The following SPMIP3 variants were observed in gnomAD, a reference collection of about 807,000 sequenced individuals.
SPMIP3 encodes the protein sperm microtubule inner protein 3, also known as protein SPMIP3.
At chr1:244,379,219 C>A in the SPMIP3 span, among the ~76,000 whole-genome samples, 2 of 150,896 alleles carry the variant, frequency 1.3e-5, no homozygotes, top group Non-Finnish European at 3.0e-5. Context: ...TGAGCCACTG[C>A]GCCCGGCCTT....
chr1:244,374,569 A>ACGGATTCCCACATTTC, the SPMIP3 span, among the ~76,000 whole-genome samples: 3 of 142,534 alleles, frequency 2.1e-5, no homozygotes, highest in South Asian at 2.3e-4. Flanking sequence ...CCCTCCGTTT[A>ACGGATTCCCACATTTC]CGGATTCCCA....
At chr1:244,377,412 C>T in the SPMIP3 span, among the ~76,000 whole-genome samples, 7 of 152,232 alleles carry the variant, frequency 4.6e-5, no homozygotes, top group Admixed American at 2.6e-4. Flanking sequence ...TGAGCCACCA[C>T]GCCCGGCCAC....
chr1:244,358,810 A>G, the SPMIP3 span, among the ~76,000 whole-genome samples: 1 of 152,172 alleles, frequency 6.6e-6, no homozygotes, highest in Non-Finnish European at 1.5e-5. Context: ...AGTGAATGGT[A>G]GGGCAAGGGC....
the SPMIP3 span, among the ~76,000 whole-genome samples, chr1:244,358,146 C>T: frequency 6.6e-6 from 1 of 152,188 alleles, no homozygotes; most frequent in African/African-American, 2.4e-5. Context: ...AGGAGAATCA[C>T]TTGAACCCAG....
the SPMIP3 span, among the ~76,000 whole-genome samples, chr1:244,374,804 G>C: frequency 6.6e-6 from 1 of 151,598 alleles, no homozygotes; most frequent in African/African-American, 2.4e-5. Flanking sequence ...CACCATGTTG[G>C]CCAGGTTGGT....
the SPMIP3 span, chr1:244,378,579 G>T: frequency 6.2e-7 from 1 of 1,614,122 alleles, no homozygotes; most frequent in Non-Finnish European, 8.5e-7. Context: ...AAAGCCTGCC[G>T]AGCCATGGTA....
chr1:244,375,266 G>A, the SPMIP3 span: 1 of 853,090 alleles, frequency 1.2e-6, no homozygotes, highest in South Asian at 1.7e-5. Context: ...CCAGAAACTG[G>A]GGACAAAGAC....
chr1:244,378,790 G>T, the SPMIP3 span: 1 of 877,280 alleles, frequency 1.1e-6, no homozygotes, highest in Non-Finnish European at 1.7e-6. Flanking sequence ...CTGGGGTGCA[G>T]GAAGAATTTA....
chr1:244,374,587 C>CTTTTTTTTTTTTTTTTTTTTTTTTTT, the SPMIP3 span, among the ~76,000 whole-genome samples: 2 of 74,616 alleles, frequency 2.7e-5, no homozygotes, highest in Non-Finnish European at 4.9e-5. Context: ...CCACATTTCT[C>CTTTTTTTTTTTTTTTTTTTTTTTTTT]TTTTTTTTTT....
At chr1:244,385,614 C>G in the SPMIP3 span, among the ~76,000 whole-genome samples, 1 of 152,030 alleles carries the variant, frequency 6.6e-6, no homozygotes, top group African/African-American at 2.4e-5. Context: ...TTCTCACCTG[C>G]GAAAAGCATA....
chr1:244,373,347 T>C, the SPMIP3 span, among the ~76,000 whole-genome samples: 3 of 138,062 alleles, frequency 2.2e-5, no homozygotes, highest in South Asian at 4.5e-4. Flanking sequence ...TATATATATA[T>C]ATGCATGCCA....
chr1:244,372,706 G>A, the SPMIP3 span, among the ~76,000 whole-genome samples: 7 of 152,314 alleles, frequency 4.6e-5, no homozygotes, highest in East Asian at 1.4e-3. Context: ...GCCTCCCAAA[G>A]TGCTGGGATT....
chr1:244,382,479 G>A, the SPMIP3 span, among the ~76,000 whole-genome samples: 1 of 152,098 alleles, frequency 6.6e-6, no homozygotes, highest in African/African-American at 2.4e-5. Flanking sequence ...GGTGGGTAAC[G>A]AGTGAGAGTG....
At chr1:244,355,525 T>C in the SPMIP3 span, among the ~76,000 whole-genome samples, 1 of 151,990 alleles carries the variant, frequency 6.6e-6, no homozygotes, top group Non-Finnish European at 1.5e-5. Flanking sequence ...GTAGCTGAGA[T>C]GACAGGCAAG....
At chr1:244,375,491 T>A in the SPMIP3 span, 2 of 1,573,742 alleles carry the variant, frequency 1.3e-6, no homozygotes, top group Non-Finnish European at 1.7e-6. Flanking sequence ...TCAATCCCAA[T>A]GTCCAAGAAT....
At chr1:244,389,073 C>A in the SPMIP3 span, 3 of 1,602,494 alleles carry the variant, frequency 1.9e-6, no homozygotes, top group East Asian at 2.2e-5. Context: ...AAAATAACCA[C>A]GGCATTCGAA....
the SPMIP3 span, among the ~76,000 whole-genome samples, chr1:244,367,189 G>C: frequency 2.6e-3 from 403 of 152,210 alleles, 4 homozygotes; most frequent in African/African-American, 9.4e-3. Context: ...AGGTTGGGAC[G>C]GTAGAGGCAG....
chr1:244,378,501 A>G, the SPMIP3 span: 1 of 1,613,934 alleles, frequency 6.2e-7, no homozygotes, highest in African/African-American at 1.3e-5. Flanking sequence ...ACCCAAGACA[A>G]AATATCACTA....
the SPMIP3 span, among the ~76,000 whole-genome samples, chr1:244,363,387 G>A: frequency 7.1e-6 from 1 of 140,182 alleles, no homozygotes; most frequent in Admixed American, 7.7e-5. Context: ...CAACCTAGGC[G>A]ACAGAGTGAG....
Sources: allele counts gnomAD v4.1 joint callset (sites outside exome capture counted in the v4.1 genomes callset), GRCh38; gene constraint gnomAD v4.1.1; transcripts MANE v1.5; gene names NCBI Gene and HGNC (gene_info 2026-07-23, HGNC 2026-07-21).